ZDBF2: variants seen among roughly 807,000 people sequenced by gnomAD.
The protein encoded by ZDBF2 is DBF4-type zinc finger-containing protein 2.
A neutral mutation model predicts 9.4 loss-of-function variants in ZDBF2; 6 were observed. The ratio of observed to expected loss-of-function variants is 0.64; its 90% CI spans 0.35 to 1.27. The LOEUF (loss-of-function observed/expected upper bound fraction) is 1.27, where lower values mean the gene tolerates loss of function less well. Ranked by LOEUF, ZDBF2 falls within the 50% of genes most tolerant of loss-of-function variation. The pLI is 0.03. For missense variants in ZDBF2, 2,697 were observed against 2,766.8 expected (o/e 0.97, Z 0.57); for synonymous variants, 905 against 946.3 (o/e 0.96, Z 0.80).
chr2:206,275,947 C>T (rs1309133772), intron 1 of ZDBF2, among the ~76,000 whole-genome samples: 2 of 152,172 alleles, frequency 1.3e-5, no homozygotes, highest in Non-Finnish European at 2.9e-5. Context: ...GATAAAGTAT[C>T]ACTGCAGTGG....
chr2:206,280,462 A>G (rs374446100), intron 2 of ZDBF2, among the ~76,000 whole-genome samples: 1 of 152,210 alleles, frequency 6.6e-6, no homozygotes, highest in East Asian at 1.9e-4. Context: ...CAAAGTTTAC[A>G]TTTAAGCTCT....
rs547994814 is a variant in ZDBF2, at chr2:206,283,293, G to A, written c.60+1384G>A. 7.2e-5 allele frequency among the ~76,000 whole-genome samples: 11 copies of A among 152,222 alleles called. No individual in the cohort carries two copies. The East Asian group carries it at 1.2e-3, about 16-fold the overall frequency. ...AACTTTTTTGAGAGGGTGCCTCACC[G>A]TTTGTCAAAGTGGCTGTACCTTACC... is the stretch of plus-strand genomic sequence containing the variant. On this transcript the variant is annotated intron_variant, in intron 3 of 4. Transcript: ENST00000374423.
intron 3 of ZDBF2, among the ~76,000 whole-genome samples, chr2:206,295,160 A>G (rs1029604343): frequency 6.6e-6 from 1 of 152,190 alleles, no homozygotes; most frequent in Non-Finnish European, 1.5e-5. Flanking sequence ...GTGATATTTT[A>G]AAATGTCTTT....
Position 206,307,636 on chromosome 2 carries a change from T to G in ZDBF2, c.3108T>G (p.Cys1036Trp). The part of the protein sequence containing the change: ...QYVLENKNDK[C>W]SGSEIILDSN... ...TTCTAGAAAACAAGAATGATAAATG[T>G]AGTGGTTCTGAAATAATTTTGGATT... is the stretch of plus-strand genomic sequence containing the variant. The change falls in exon 5 of 5, where the codon TGT becomes TGG. Residue 1036 changes from cysteine to tryptophan, a missense_variant. By Grantham distance (215) the Cys-to-Trp change is radical (BLOSUM62 -2). Around this residue, in one of 3 missense-constraint regions of ZDBF2, gnomAD observed 1,783 missense variants for 1,776.5 expected, o/e 1.00. Coordinates refer to ENST00000374423, the MANE Select transcript of ZDBF2 (RefSeq NM_020923.3). 1.9e-6 allele frequency: 3 copies of G among 1,612,336 alleles called. No individual in the cohort carries two copies. Among genetic ancestry groups the G allele is most frequent in the Non-Finnish European group, 1.7e-6 (2 of 1,179,356 alleles).
intron 2 of ZDBF2, among the ~76,000 whole-genome samples, chr2:206,280,069 T>C (rs1691234573): frequency 6.6e-6 from 1 of 152,348 alleles, no homozygotes; most frequent in South Asian, 2.1e-4. Context: ...CCTCCCAAAG[T>C]GCTGGGATTA....
chr2:206,277,013 A>G (rs897248226), intron 1 of ZDBF2, among the ~76,000 whole-genome samples: 1 of 152,158 alleles, frequency 6.6e-6, no homozygotes, highest in Admixed American at 6.5e-5. Flanking sequence ...TTGCTCCTCA[A>G]TTGTTTCCCT....
chr2:206,306,476 AAGG>A lies in ZDBF2; in HGVS notation c.1951_1953del (p.Glu651del), dbSNP rs775578813. ...GGCTGTTGAAAAGATAAATCTTCTG[AAGG>A]AGAAGAATGCTGACCTTATGGATAT... is the stretch of plus-strand genomic sequence containing the variant. On this transcript the variant is annotated inframe_deletion, in exon 5 of 5. Transcript: ENST00000374423. 2 of 1,613,822 alleles carry A rather than the reference AAGG, an allele frequency of 1.2e-6. No homozygotes were observed. The highest frequency in any genetic ancestry group is 1.1e-5 in the South Asian group (1 of 91,078).
Position 206,311,071 on chromosome 2 carries a change from G to A in ZDBF2, c.6543G>A (p.Val2181=). The A allele has an allele frequency of 6.2e-7, 1 of 1,612,188 alleles. No homozygotes were observed. ...AAAAGAAAATTCATGGAAAGAGGGT[G>A]ACAACTAGTAGTAATAAGCTAGGTT... ...QSKKKIHGKR[V]TTSSNKLGFP... The change falls in exon 5 of 5, where the codon GTG becomes GTA. Residue 2181 remains valine, a synonymous_variant. Coordinates refer to ENST00000374423, the MANE Select transcript of ZDBF2 (RefSeq NM_020923.3).
In ZDBF2 at chr2:206,312,147, T is replaced by A. The variant is rs1693225664; in HGVS notation, c.*554T>A. 1 of 152,206 alleles carries A rather than the reference T, an allele frequency of 6.6e-6. No individual in the cohort carries two copies. The highest frequency in any genetic ancestry group is 6.5e-5 in the Admixed American group (1 of 15,276). The allele number at this position is 152,206 out of a possible 1,614,324, so 9.4% of individuals were successfully genotyped here. A position where few individuals can be genotyped will look rare whatever the true frequency, so the allele number is the denominator to read the frequency against. Reference sequence around the variant, plus strand: ...TAGCACAAACTCCTCCTGCTTCATTTAAATTGGATCTGCAAGTCTCTAACT... The same window carrying A: ...TAGCACAAACTCCTCCTGCTTCATTAAAATTGGATCTGCAAGTCTCTAACT... On this transcript the variant is annotated 3_prime_UTR_variant, in exon 5 of 5. Coordinates refer to ENST00000374423, the MANE Select transcript of ZDBF2 (RefSeq NM_020923.3).
At chr2:206,299,240 C>T (rs951843266) in intron 4 of ZDBF2, among the ~76,000 whole-genome samples, 7 of 152,118 alleles carry the variant, frequency 4.6e-5, no homozygotes, top group African/African-American at 1.2e-4. Context: ...TCAGAGTTTA[C>T]GGACCTTAAA....
intron 4 of ZDBF2, among the ~76,000 whole-genome samples, chr2:206,300,875 A>G (rs1692464311): frequency 6.6e-6 from 1 of 152,148 alleles, no homozygotes; most frequent in Non-Finnish European, 1.5e-5. Context: ...TTAATTTGTT[A>G]CTATTTATTA....
Position 206,311,380 on chromosome 2 carries a change from C to A in ZDBF2, c.6852C>A (p.Ser2284Arg), listed in dbSNP as rs373500131. ...CAGCTGGTGCCGAAGAGCTGTCAAGCGCTATGGCAAATCCTCCTCCAAAGC... is the reference window on the plus strand; with the variant it reads ...CAGCTGGTGCCGAAGAGCTGTCAAGAGCTATGGCAAATCCTCCTCCAAAGC... ...VPPAGAEELS[S>R]AMANPPPKRP... The change falls in exon 5 of 5, where the codon AGC (serine) becomes AGA (arginine). Residue 2284 changes from serine to arginine, a missense_variant. This residue lies in a region of ZDBF2 where 1,783 missense variants were observed against 1,776.5 expected (regional missense o/e 1.00). Coordinates refer to ENST00000374423, the MANE Select transcript of ZDBF2 (RefSeq NM_020923.3). 1 of 1,606,292 alleles carries A rather than the reference C, an allele frequency of 6.2e-7. No homozygotes were observed. Among genetic ancestry groups the A allele is most frequent in the East Asian group, 2.2e-5 (1 of 44,718 alleles).
At chr2:206,301,878 C>G (rs61303549) in intron 4 of ZDBF2, among the ~76,000 whole-genome samples, 1 of 149,382 alleles carries the variant, frequency 6.7e-6, no homozygotes, top group Non-Finnish European at 1.5e-5. Context: ...TTTATGAATT[C>G]TTTTCTTAAT....
intron 3 of ZDBF2, among the ~76,000 whole-genome samples, chr2:206,286,554 A>G (rs1431488897): frequency 6.7e-6 from 1 of 148,802 alleles, no homozygotes; most frequent in Non-Finnish European, 1.5e-5. Flanking sequence ...TTCAGTCTAT[A>G]TGTGTCTTAA....
chr2:206,282,139 T>G (rs184531528), intron 3 of ZDBF2, among the ~76,000 whole-genome samples: 181 of 152,286 alleles, frequency 1.2e-3, no homozygotes, highest in African/African-American at 4.1e-3. Flanking sequence ...AATATATAAA[T>G]TTAGTACATA....
intron 4 of ZDBF2, 76 bp from the exon 5 acceptor site, chr2:206,304,641 C>G: frequency 6.7e-7 from 1 of 1,499,246 alleles, no homozygotes; most frequent in Non-Finnish European, 8.9e-7. Context: ...AAGCAAATAA[C>G]ATTTATTATG....
intron 3 of ZDBF2, among the ~76,000 whole-genome samples, chr2:206,284,888 C>T (rs964415832): frequency 1.3e-5 from 2 of 152,136 alleles, no homozygotes; most frequent in African/African-American, 2.4e-5. Context: ...ACCAACACAC[C>T]TGGCTGATTT....
At chr2:206,297,163 G>T (rs977112828) in intron 3 of ZDBF2, 83 bp from the exon 4 acceptor site, 1 of 595,234 alleles carries the variant, frequency 1.7e-6, no homozygotes, top group Non-Finnish European at 3.0e-6. Flanking sequence ...TTTACCAAGA[G>T]TATAGAAATG....
intron 1 of ZDBF2, among the ~76,000 whole-genome samples, chr2:206,277,808 T>C (rs555622301): frequency 5.2e-4 from 79 of 151,580 alleles, no homozygotes; most frequent in Admixed American, 9.2e-4. Flanking sequence ...CTTAAACATA[T>C]ATACATTTAG....
Sources: gnomAD v4.1 joint callset for allele counts (sites outside exome capture counted in the v4.1 genomes callset) on GRCh38, gnomAD v4.1.1 for gene constraint, gnomAD v4.1.1 regional missense constraint, MANE v1.5 for transcripts, NCBI Gene and HGNC (gene_info 2026-07-23, HGNC 2026-07-21) for gene names.